The following NTM variants were observed in gnomAD, a reference collection of about 807,000 sequenced individuals.
NTM encodes the protein IgLON family member 2.
In NTM, 13 loss-of-function variants were observed where a neutral mutation model predicts 42.1. That is an observed-to-expected ratio of 0.31 (90% CI 0.20 to 0.49). NTM has a LOEUF of 0.49. Among genes scored for constraint, NTM ranks in the 20% least tolerant of loss-of-function variants. The pLI is 0.99. For synonymous variants in NTM, 187 were observed against 179.2 expected (o/e 1.04, Z -0.35); for missense variants, 373 against 452.8 (o/e 0.82, Z 1.60).
chr11:131,378,731 G>A lies in NTM; in HGVS notation c.82+7843G>A, dbSNP rs543035505. Among the ~76,000 whole-genome samples the A allele has an allele frequency of 4.6e-5, 7 of 152,262 alleles. No individual in the cohort carries two copies. The East Asian group carries it at 1.4e-3, about 29-fold the overall frequency. On this transcript the variant is annotated intron_variant, in intron 1 of 8. Transcript: ENST00000683400. ...GAATGTGATTGAGCTGGATTGGAGA[G>A]TGCTCAGCAATGACAAGCCTTAGAA...
At chr11:132,237,832 C>T (rs1378704812) in intron 4 of NTM, among the ~76,000 whole-genome samples, 7 of 152,174 alleles carry the variant, frequency 4.6e-5, no homozygotes, top group African/African-American at 1.4e-4. Flanking sequence ...GCCTCGGCTC[C>T]GAGGAAATTC....
chr11:131,784,750 T>C (rs1479037247), intron 1 of NTM, among the ~76,000 whole-genome samples: 40 of 152,218 alleles, frequency 2.6e-4, no homozygotes, highest in Non-Finnish European at 2.9e-5. Context: ...GTGGTCGCAT[T>C]TTATCACGTG....
chr11:131,794,512 A>G (rs1856527465), intron 1 of NTM: 1 of 984,008 alleles, frequency 1.0e-6, no homozygotes, highest in Admixed American at 6.1e-5. Context: ...TCAGCCTAAG[A>G]AAGAAAGAAT....
intron 2 of NTM, among the ~76,000 whole-genome samples, chr11:132,135,963 A>G (rs1228189768): frequency 6.6e-6 from 1 of 152,134 alleles, no homozygotes; most frequent in African/African-American, 2.4e-5. Context: ...GTGCCACGTC[A>G]CCTAGGTTAA....
At chr11:132,283,019 G>A (rs1303126692) in intron 4 of NTM, among the ~76,000 whole-genome samples, 3 of 101,220 alleles carry the variant, frequency 3.0e-5, no homozygotes, top group East Asian at 3.1e-4. Flanking sequence ...ACAGAGTCTC[G>A]CTCTGTCTCC....
At chr11:131,942,068 A>T (rs1368308867) in intron 2 of NTM, among the ~76,000 whole-genome samples, 1 of 152,170 alleles carries the variant, frequency 6.6e-6, no homozygotes, top group Non-Finnish European at 1.5e-5. Context: ...CTGGGGATTT[A>T]AAAAAATGAA....
At chr11:131,957,057 G>A (rs2061633295) in intron 2 of NTM, among the ~76,000 whole-genome samples, 1 of 152,074 alleles carries the variant, frequency 6.6e-6, no homozygotes, top group Non-Finnish European at 1.5e-5. Flanking sequence ...TCTCTAATAT[G>A]CATATTTAGT....
At chr11:131,778,131 C>A (rs1184899639) in intron 1 of NTM, among the ~76,000 whole-genome samples, 1 of 152,142 alleles carries the variant, frequency 6.6e-6, no homozygotes, top group Non-Finnish European at 1.5e-5. Context: ...CTGGGCTGTT[C>A]AATAATGTTA....
intron 1 of NTM, among the ~76,000 whole-genome samples, chr11:131,475,296 T>C (rs1216609817): frequency 6.6e-6 from 1 of 152,234 alleles, no homozygotes; most frequent in Non-Finnish European, 1.5e-5. Flanking sequence ...TATTTAAAAT[T>C]ATTTCATTAT....
At chr11:131,390,424 C>T (rs1943855971) in intron 1 of NTM, among the ~76,000 whole-genome samples, 1 of 152,086 alleles carries the variant, frequency 6.6e-6, no homozygotes, top group African/African-American at 2.4e-5. Context: ...ACAAGCTGCA[C>T]AGAGGAAGGG....
chr11:131,998,749 C>A (rs2068611916), intron 2 of NTM, among the ~76,000 whole-genome samples: 1 of 152,116 alleles, frequency 6.6e-6, no homozygotes, highest in African/African-American at 2.4e-5. Flanking sequence ...TCTACTGTTG[C>A]CTTGGTATAT....
intron 1 of NTM, among the ~76,000 whole-genome samples, chr11:131,423,230 C>A (rs1284369662): frequency 3.3e-5 from 5 of 152,138 alleles, no homozygotes; most frequent in Admixed American, 2.0e-4. Flanking sequence ...GATGTAGGAC[C>A]TATTGCACCA....
At chr11:132,315,228 C>G (rs910954263) in intron 7 of NTM, among the ~76,000 whole-genome samples, 5 of 152,168 alleles carry the variant, frequency 3.3e-5, no homozygotes, top group Non-Finnish European at 7.3e-5. Context: ...AAAACTGTCT[C>G]CAGTCGCTGG....
At chr11:132,141,209 TTC>T (rs139288339) in intron 2 of NTM, 4,178 of 151,726 alleles carry the variant, frequency 0.028, 214 homozygotes, top group African/African-American at 0.095. Flanking sequence ...AATTCCCAGG[TTC>T]TCTCTCTCTT....
At chr11:131,468,869 A>C (rs1952149380) in intron 1 of NTM, among the ~76,000 whole-genome samples, 1 of 152,200 alleles carries the variant, frequency 6.6e-6, no homozygotes. Context: ...CAGGGTGAAA[A>C]GGGGCAGGTG....
intron 2 of NTM, among the ~76,000 whole-genome samples, chr11:131,916,522 T>C (rs919494488): frequency 1.3e-5 from 2 of 152,194 alleles, no homozygotes; most frequent in Non-Finnish European, 2.9e-5. Flanking sequence ...TTGGTTGAGT[T>C]TTGATATGGG....
intron 2 of NTM, among the ~76,000 whole-genome samples, chr11:131,976,252 A>G (rs991802349): frequency 6.6e-6 from 1 of 151,990 alleles, no homozygotes; most frequent in East Asian, 1.9e-4. Context: ...AAGAGAGGTG[A>G]TAAGAGCACA....
At chr11:131,466,453 C>A (rs960789639) in intron 1 of NTM, among the ~76,000 whole-genome samples, 1 of 152,196 alleles carries the variant, frequency 6.6e-6, no homozygotes. Flanking sequence ...CACAAACTTG[C>A]ATAAGGCTTA....
intron 3 of NTM, among the ~76,000 whole-genome samples, chr11:132,184,444 C>T (rs1367827397): frequency 6.6e-6 from 1 of 152,088 alleles, no homozygotes; most frequent in Non-Finnish European, 1.5e-5. Flanking sequence ...TCTTTTAAGA[C>T]TTTTCTACTG....
Sources: gnomAD v4.1 joint callset for allele counts (sites outside exome capture counted in the v4.1 genomes callset) on GRCh38, gnomAD v4.1.1 for gene constraint, MANE v1.5 for transcripts, NCBI Gene and HGNC (gene_info 2026-07-23, HGNC 2026-07-21) for gene names.